The following TCF4 variants were observed in gnomAD, a reference collection of about 807,000 sequenced individuals.
The protein encoded by TCF4 is transcription factor 4.
In TCF4, 3 loss-of-function variants were observed where a neutral mutation model predicts 82.1. The ratio of observed to expected loss-of-function variants is 0.04; its 90% confidence interval spans 0.02 to 0.09. The LOEUF is 0.09. TCF4 is among the 10% of genes least tolerant of loss of function. TCF4 has a pLI of 1.00. For missense variants in TCF4, 518 were observed against 852.7 expected (o/e 0.61, Z 4.89); for synonymous variants, 276 against 309.6 (o/e 0.89, Z 1.14).
chr18:55,596,346 C>T (rs2097690951), intron 2 of TCF4: 1 of 248,862 alleles, frequency 4.0e-6, no homozygotes. Context: ...TCAGCTCTGC[C>T]ATATGCAGCT....
chr18:55,262,882 C>T (rs1182381329), intron 11 of TCF4, among the ~76,000 whole-genome samples: 2 of 152,194 alleles, frequency 1.3e-5, no homozygotes, highest in Admixed American at 6.5e-5. Context: ...TCTCGGCTCA[C>T]TGCAACCTCT....
chr18:55,571,500 G>C (rs1016563693), intron 3 of TCF4, among the ~76,000 whole-genome samples: 2 of 152,194 alleles, frequency 1.3e-5, no homozygotes, highest in Non-Finnish European at 2.9e-5. Flanking sequence ...ACTTATGTTG[G>C]TGGTGGGTTC....
intron 3 of TCF4, among the ~76,000 whole-genome samples, chr18:55,566,533 T>C (rs373295361): frequency 3.3e-5 from 5 of 152,102 alleles, no homozygotes; most frequent in Admixed American, 2.0e-4. Flanking sequence ...TAAAAATTAG[T>C]AGGCATAATT....
At chr18:55,479,748 G>A (rs991134693) in intron 3 of TCF4, among the ~76,000 whole-genome samples, 1 of 152,078 alleles carries the variant, frequency 6.6e-6, no homozygotes, top group Non-Finnish European at 1.5e-5. Context: ...GACACCGGAG[G>A]GTAATAACCC....
In TCF4 at chr18:55,344,678, T is replaced by C. The variant is rs115225510; in HGVS notation, c.549+5681A>G. Among the ~76,000 whole-genome samples the C allele has an allele frequency of 5.4e-3, 817 of 152,214 alleles. 9 individuals carry two copies. The highest frequency in any genetic ancestry group is 0.018 in the African/African-American group (754 of 41,550). On this transcript the variant is annotated intron_variant, in intron 8 of 19. Coordinates refer to ENST00000354452, the MANE Select transcript of TCF4 (RefSeq NM_001083962.2). Reference sequence around the variant, plus strand: ...GCATGCAAAATACTATTTTGAATACTTGATTAAAAATAAAAACACATTGGA... The same window carrying C: ...GCATGCAAAATACTATTTTGAATACCTGATTAAAAATAAAAACACATTGGA...
chr18:55,313,183 T>C (rs2073087560), intron 8 of TCF4, among the ~76,000 whole-genome samples: 1 of 152,130 alleles, frequency 6.6e-6, no homozygotes, highest in Non-Finnish European at 1.5e-5. Context: ...ATGGCAACTG[T>C]GGAACATGTT....
intron 2 of TCF4, among the ~76,000 whole-genome samples, chr18:55,615,502 T>C (rs578198114): frequency 9.2e-5 from 14 of 152,156 alleles, no homozygotes; most frequent in African/African-American, 3.4e-4. Flanking sequence ...TCATTTCCAA[T>C]CTTGATGCCT....
intron 6 of TCF4, among the ~76,000 whole-genome samples, chr18:55,398,192 C>T (rs531925786): frequency 1.3e-5 from 2 of 152,186 alleles, no homozygotes; most frequent in Non-Finnish European, 2.9e-5. Flanking sequence ...TGATAAGTAC[C>T]GGCTGACTTT....
chr18:55,413,087 T>C (rs532032876), intron 5 of TCF4, among the ~76,000 whole-genome samples: 2 of 152,244 alleles, frequency 1.3e-5, no homozygotes, highest in South Asian at 4.1e-4. Flanking sequence ...TCTTAAACTA[T>C]ACACATTGGA....
intron 8 of TCF4, among the ~76,000 whole-genome samples, chr18:55,296,657 G>T (rs1393182324): frequency 6.6e-6 from 1 of 152,166 alleles, no homozygotes; most frequent in Non-Finnish European, 1.5e-5. Flanking sequence ...CCACATCAAA[G>T]AGGGCCACAT....
chr18:55,564,430 A>AG (rs1241896704), intron 3 of TCF4, among the ~76,000 whole-genome samples: 1 of 152,244 alleles, frequency 6.6e-6, no homozygotes, highest in African/African-American at 2.4e-5. Context: ...AAGTGCAGAA[A>AG]GTACTTAGGA....
chr18:55,329,380 G>T (rs1569030190), intron 8 of TCF4, among the ~76,000 whole-genome samples: 1 of 152,116 alleles, frequency 6.6e-6, no homozygotes, highest in Non-Finnish European at 1.5e-5. Flanking sequence ...GACCAGGAAG[G>T]AACAGGTGAG....
intron 2 of TCF4, among the ~76,000 whole-genome samples, chr18:55,614,036 A>G (rs1394125887): frequency 1.3e-5 from 2 of 152,230 alleles, no homozygotes; most frequent in East Asian, 3.9e-4. Context: ...TAGCCTCCCA[A>G]TCACATACCA....
At chr18:55,400,988 A>C (rs1603446696) in intron 6 of TCF4, 1 of 1,289,018 alleles carries the variant, frequency 7.8e-7, no homozygotes, top group Non-Finnish European at 1.0e-6. Context: ...CCTCCCCTCC[A>C]CGAGTCACTC....
chr18:55,287,335 C>T lies in TCF4; in HGVS notation c.550-7679G>A, dbSNP rs1049056209. Among the ~76,000 whole-genome samples the T allele has an allele frequency of 7.2e-5, 11 of 152,162 alleles. No homozygotes were observed. In the South Asian group the frequency reaches 8.3e-4, roughly 11 times the overall value. ...CATCACAAAAATCGCATAATTTTCCCGGCTTCTAAATATCAGCTGAGTCAT... is the reference window on the plus strand; with the variant it reads ...CATCACAAAAATCGCATAATTTTCCTGGCTTCTAAATATCAGCTGAGTCAT... On this transcript the variant is annotated intron_variant, in intron 8 of 19. Coordinates refer to ENST00000354452, the MANE Select transcript of TCF4 (RefSeq NM_001083962.2).
At chr18:55,403,587 A>C (rs2093942592) in intron 5 of TCF4, 69 bp from the exon 6 acceptor site, 1 of 1,613,542 alleles carries the variant, frequency 6.2e-7, no homozygotes, top group Admixed American at 1.7e-5. Flanking sequence ...TCCAGGTAAC[A>C]GACATCTACT....
At chr18:55,326,018 T>C (rs556718366) in intron 8 of TCF4, among the ~76,000 whole-genome samples, 3 of 152,284 alleles carry the variant, frequency 2.0e-5, no homozygotes, top group South Asian at 4.1e-4. Context: ...CCATAACTAG[T>C]ACTCTGTGGC....
chr18:55,534,820 G>A lies in TCF4; in HGVS notation c.145+50460C>T, dbSNP rs200612747. On this transcript the variant is annotated intron_variant, in intron 3 of 19. Coordinates refer to ENST00000354452, the MANE Select transcript of TCF4 (RefSeq NM_001083962.2). ...CATGTCAACAGAATGACACAGTGGT[G>A]AATGAATGAAAAATATCACGATGTA... Among the ~76,000 whole-genome samples the A allele has an allele frequency of 2.6e-5, 4 of 152,320 alleles. No individual in the cohort carries two copies. The East Asian group carries it at 7.7e-4, about 29-fold the overall frequency.
At chr18:55,440,141 C>A (rs2095413239) in intron 5 of TCF4, among the ~76,000 whole-genome samples, 1 of 152,176 alleles carries the variant, frequency 6.6e-6, no homozygotes, top group Non-Finnish European at 1.5e-5. Flanking sequence ...CACGCCCAGC[C>A]ACAATCATTT....
Sources: gnomAD v4.1 joint callset for allele counts (sites outside exome capture counted in the v4.1 genomes callset) on GRCh38, gnomAD v4.1.1 for gene constraint, MANE v1.5 for transcripts, NCBI Gene and HGNC (gene_info 2026-07-23, HGNC 2026-07-21) for gene names.